RBM28: variants seen among roughly 807,000 people sequenced by gnomAD.
The protein encoded by RBM28 is RNA binding motif protein 28, also known as RNA-binding protein 28.
Under a neutral mutation model 98.3 loss-of-function variants are expected in RBM28, and 78 were observed. The observed-to-expected ratio is 0.79, with a 90% CI of 0.66 to 0.96. The LOEUF (loss-of-function observed/expected upper bound fraction) is 0.96. Ranked by LOEUF, RBM28 falls within the 40% of genes least tolerant of loss-of-function variation. The probability of loss-of-function intolerance (pLI) is 0.00; values close to 1 mark genes in which losing one functional copy is unlikely to be tolerated. For synonymous variants in RBM28, 306 were observed against 330.9 expected (o/e 0.92, Z 0.82); for missense variants, 838 against 913.0 (o/e 0.92, Z 1.06).
chr7:128,329,170 G>A (rs1247193898), intron 10 of RBM28, among the ~76,000 whole-genome samples: 1 of 152,064 alleles, frequency 6.6e-6, no homozygotes, highest in Non-Finnish European at 1.5e-5. Flanking sequence ...CACGATCTCG[G>A]CTCACCACAA....
chr7:128,338,051 G>GA (rs1334255652), intron 5 of RBM28, among the ~76,000 whole-genome samples, 199 bp downstream of exon 5: 2 of 152,114 alleles, frequency 1.3e-5, no homozygotes, highest in Non-Finnish European at 2.9e-5. Context: ...CCAGATAAAA[G>GA]AAAGAATACT....
In RBM28 at chr7:128,329,247, G is replaced by C. The variant is rs559881969; in HGVS notation, c.1129+1572C>G. ...CCCGAGTAGCTGGGATTACAGGCAT[G>C]CGCCACCACGCCCGGCTAATTTTGT... On this transcript the variant is annotated intron_variant, in intron 10 of 18. Coordinates refer to ENST00000223073, the MANE Select transcript of RBM28 (RefSeq NM_018077.3). Among the ~76,000 whole-genome samples the C allele has an allele frequency of 1.1e-3, 170 of 152,200 alleles. 1 individual carries two copies. Among genetic ancestry groups the C allele is most frequent in the African/African-American group, 3.9e-3 (162 of 41,542 alleles).
intron 13 of RBM28, among the ~76,000 whole-genome samples, chr7:128,321,686 C>G (rs1473544459): frequency 2.6e-5 from 4 of 152,052 alleles, no homozygotes; most frequent in African/African-American, 9.7e-5. Flanking sequence ...AATTTTAAAG[C>G]CACAATTTTT....
At chr7:128,311,326 T>C (rs1278664467) in intron 18 of RBM28, among the ~76,000 whole-genome samples, 1 of 152,166 alleles carries the variant, frequency 6.6e-6, no homozygotes, top group African/African-American at 2.4e-5. Flanking sequence ...TAGTACGGTA[T>C]ACGTCAGAAA....
rs1353111810 is a variant in RBM28 at position 128,302,951 on chromosome 7, G to A, written c.*7846C>T. ...CACACAAGGCTAATTTTCAAATTTT[G>A]GGCAGTTTTACTATGTTGCCCAGGC... On this transcript the variant is annotated 3_prime_UTR_variant, in exon 19 of 19. Coordinates refer to ENST00000223073, the MANE Select transcript of RBM28 (RefSeq NM_018077.3). 2 of 151,932 alleles carry A rather than the reference G, an allele frequency of 1.3e-5. No homozygotes were observed. Among genetic ancestry groups the A allele is most frequent in the African/African-American group, 4.8e-5 (2 of 41,328 alleles). 9.4% of individuals were successfully genotyped at this position (151,932 alleles called of 1,614,324 possible).
intron 9 of RBM28, among the ~76,000 whole-genome samples, chr7:128,332,540 A>G (rs1050982259): frequency 6.6e-6 from 1 of 151,972 alleles, no homozygotes; most frequent in African/African-American, 2.4e-5. Context: ...TTTTTAGTAA[A>G]AATGGGGTTT....
intron 14 of RBM28, 114 bp from the exon 15 acceptor site, chr7:128,318,220 C>T: frequency 8.9e-7 from 1 of 1,123,214 alleles, no homozygotes; most frequent in Admixed American, 2.0e-5. Flanking sequence ...CATGGTGGTT[C>T]ATGCCTGTAA....
intron 1 of RBM28, among the ~76,000 whole-genome samples, chr7:128,340,267 A>C (rs1022340305): frequency 2.0e-5 from 3 of 152,224 alleles, no homozygotes; most frequent in Admixed American, 6.5e-5. Context: ...ACTGGATCAG[A>C]GGACTCTGTC....
At position 128,310,722 on chromosome 7, in the gene RBM28, C is replaced by T. The variant is rs532191149; in HGVS notation, c.*75G>A. ...ATTTTCTTTCCCTCAGTGAGAGACA[C>T]GGGGGATGGGGAGGAGCCCAGGAGT... On this transcript the variant is annotated 3_prime_UTR_variant, in exon 19 of 19. Transcript: ENST00000223073. 430 of 1,578,948 alleles carry T rather than the reference C, an allele frequency of 2.7e-4. 3 individuals carry two copies. The African/African-American group carries it at 4.8e-3, about 18-fold the overall frequency.
rs1313815392 is a variant in RBM28, at chr7:128,305,220, A to C, written c.*5577T>G. ...ATCCTGTTGTCTCACTGTAAATAGC[A>C]TAAGAACAATGTTCTGGCCCCTCCC... On this transcript the variant is annotated 3_prime_UTR_variant, in exon 19 of 19. Coordinates refer to ENST00000223073, the MANE Select transcript of RBM28 (RefSeq NM_018077.3). 1 of 151,786 alleles carries C rather than the reference A, an allele frequency of 6.6e-6. No individual in the cohort carries two copies. The highest frequency in any genetic ancestry group is 1.5e-5 in the Non-Finnish European group (1 of 68,036). The allele number at this position is 151,786 out of a possible 1,614,324, so 9.4% of individuals were successfully genotyped here.
At chr7:128,335,369 A>G (rs979409941) in intron 8 of RBM28, among the ~76,000 whole-genome samples, 174 bp downstream of exon 8, 1 of 152,208 alleles carries the variant, frequency 6.6e-6, no homozygotes, top group African/African-American at 2.4e-5. Context: ...GAAACAACAA[A>G]AAAACCTTTG....
chr7:128,329,261 G>A (rs542448845), intron 10 of RBM28, among the ~76,000 whole-genome samples: 6 of 152,160 alleles, frequency 3.9e-5, no homozygotes, highest in East Asian at 3.9e-4. Context: ...CACCACGCCC[G>A]GCTAATTTTG....
intron 10 of RBM28, among the ~76,000 whole-genome samples, chr7:128,327,022 A>C (rs1796368060): frequency 6.6e-6 from 1 of 152,140 alleles, no homozygotes; most frequent in Non-Finnish European, 1.5e-5. Context: ...CTATAGTCCC[A>C]GCTACCGAGA....
Position 128,309,454 on chromosome 7 carries a change from GA to G in RBM28, c.*1342del, listed in dbSNP as rs34978555. The stretch of plus-strand genomic sequence containing the variant: ...TCAAGACCAGCCTAGTCAACATGGT[GA>G]AACCCCATCTCTACTAAAAATACAA... On this transcript the variant is annotated 3_prime_UTR_variant, in exon 19 of 19. Transcript: ENST00000223073. The G allele has an allele frequency of 0.31, 46,656 of 151,562 alleles. 8,346 individuals are homozygous for G. Among genetic ancestry groups the G allele is most frequent in the East Asian group, 0.59 (3,021 of 5,080 alleles). The allele number at this position is 151,562 out of a possible 1,614,324, so 9.4% of individuals were successfully genotyped here.
intron 1 of RBM28, among the ~76,000 whole-genome samples, chr7:128,343,138 C>A (rs1039573925): frequency 2.0e-5 from 3 of 152,190 alleles, no homozygotes; most frequent in African/African-American, 7.2e-5. Context: ...ACCTACAACA[C>A]TTCCTGGCAC....
intron 5 of RBM28, among the ~76,000 whole-genome samples, chr7:128,337,803 C>A (rs1375105029): frequency 1.3e-5 from 2 of 152,100 alleles, no homozygotes; most frequent in Non-Finnish European, 2.9e-5. Context: ...GGTGATCCAC[C>A]TGCCTCCTCG....
intron 13 of RBM28, among the ~76,000 whole-genome samples, chr7:128,323,203 G>A (rs1796273547): frequency 6.6e-6 from 1 of 151,996 alleles, no homozygotes. Context: ...TGTTTATACT[G>A]ACACCTAATT....
chr7:128,324,448 G>A (rs1796301670), intron 12 of RBM28, 111 bp downstream of exon 12: 1 of 1,457,016 alleles, frequency 6.9e-7, no homozygotes, highest in Non-Finnish European at 9.6e-7. Context: ...CTGTTAAAGA[G>A]AACATTTGGG....
chr7:128,337,689 C>T (rs1673434680), intron 5 of RBM28, among the ~76,000 whole-genome samples: 1 of 151,682 alleles, frequency 6.6e-6, no homozygotes, highest in African/African-American at 2.4e-5. Flanking sequence ...TCTTGAGTAG[C>T]TGGGATTACA....
Sources: gnomAD v4.1 joint callset for allele counts (sites outside exome capture counted in the v4.1 genomes callset) on GRCh38, gnomAD v4.1.1 for gene constraint, MANE v1.5 for transcripts, NCBI Gene and HGNC (gene_info 2026-07-23, HGNC 2026-07-21) for gene names.